STPG2: variants seen among roughly 807,000 people sequenced by gnomAD.
STPG2 encodes the protein sperm tail PG-rich repeat containing 2.
In STPG2, 56 loss-of-function variants were observed where a neutral mutation model predicts 54.2. The observed-to-expected ratio is 1.03, with a 90% CI of 0.83 to 1.29. STPG2 has a LOEUF of 1.29. Among genes scored for constraint, STPG2 ranks in the 50% most tolerant of loss-of-function variants. The pLI, the probability that STPG2 is intolerant of heterozygous loss-of-function variation, is 0.00. For synonymous variants in STPG2, 200 were observed against 181.8 expected, an observed-to-expected ratio of 1.10 and a Z score of -0.81; for missense variants, 596 against 544.9, an observed-to-expected ratio of 1.09 and a Z score of -0.93.
At chr4:98,032,823 C>A (rs1333838304) in intron 5 of STPG2, among the ~76,000 whole-genome samples, 2 of 152,144 alleles carry the variant, frequency 1.3e-5, no homozygotes, top group African/African-American at 4.8e-5. Context: ...GGAAACTGAA[C>A]AACCTGCTCC....
chr4:98,113,933 A>G (rs1739433201), intron 3 of STPG2, among the ~76,000 whole-genome samples: 1 of 152,086 alleles, frequency 6.6e-6, no homozygotes, highest in African/African-American at 2.4e-5. Context: ...GACAAATGCT[A>G]TAAAACTTAG....
intron 5 of STPG2, among the ~76,000 whole-genome samples, chr4:98,063,186 C>T (rs1044334800): frequency 5.3e-5 from 8 of 152,142 alleles, no homozygotes; most frequent in African/African-American, 1.9e-4. Flanking sequence ...CACGGTGGCT[C>T]ACGCCTGTAA....
intron 5 of STPG2, among the ~76,000 whole-genome samples, chr4:98,054,075 A>G (rs1415622163): frequency 6.6e-6 from 1 of 152,092 alleles, no homozygotes; most frequent in African/African-American, 2.4e-5. Flanking sequence ...CAAATACAAC[A>G]AATTTTTATG....
intron 9 of STPG2, among the ~76,000 whole-genome samples, chr4:97,713,809 T>A (rs1292421204): frequency 1.3e-5 from 2 of 152,194 alleles, no homozygotes; most frequent in African/African-American, 4.8e-5. Flanking sequence ...CTAGCTAGTA[T>A]GACTTCACAG....
chr4:97,903,345 T>A (rs759635016), intron 8 of STPG2, among the ~76,000 whole-genome samples: 1 of 152,058 alleles, frequency 6.6e-6, no homozygotes. Flanking sequence ...ACACTTTGAA[T>A]ATACACAATT....
intron 4 of STPG2, among the ~76,000 whole-genome samples, chr4:97,504,505 G>T (rs1730804809): frequency 6.6e-6 from 1 of 151,826 alleles, no homozygotes; most frequent in African/African-American, 2.4e-5. Context: ...GAAATAATGT[G>T]AGAAAAGTAA....
At chr4:97,446,112 G>T (rs925814225) in intron 4 of STPG2, among the ~76,000 whole-genome samples, 9 of 152,040 alleles carry the variant, frequency 5.9e-5, no homozygotes, top group Admixed American at 2.0e-4. Flanking sequence ...AAGTCTACAT[G>T]CTAAAATAAG....
At chr4:98,139,569 A>G (rs983330754) in intron 1 of STPG2, among the ~76,000 whole-genome samples, 7 of 152,098 alleles carry the variant, frequency 4.6e-5, no homozygotes, top group Admixed American at 1.3e-4. Flanking sequence ...GTACCTAGGA[A>G]AGAGATGGTA....
intron 1 of STPG2, among the ~76,000 whole-genome samples, chr4:98,137,787 G>A (rs1740175007): frequency 6.6e-6 from 1 of 151,674 alleles, no homozygotes; most frequent in Non-Finnish European, 1.5e-5. Context: ...ATTATTAATG[G>A]TAGAGTATAC....
chr4:97,931,063 T>C (rs1199215063), intron 8 of STPG2, among the ~76,000 whole-genome samples: 2 of 152,210 alleles, frequency 1.3e-5, no homozygotes, highest in African/African-American at 2.4e-5. Flanking sequence ...AAGTTTTCTA[T>C]TAGCTGAAGG....
At chr4:98,107,114 A>G (rs1392122690) in intron 4 of STPG2, among the ~76,000 whole-genome samples, 1 of 152,174 alleles carries the variant, frequency 6.6e-6, no homozygotes, top group East Asian at 1.9e-4. Context: ...TTCAAACCTC[A>G]GAAAGGTTTA....
chr4:98,038,764 A>G (rs1201677347), intron 5 of STPG2, among the ~76,000 whole-genome samples: 1 of 152,096 alleles, frequency 6.6e-6, no homozygotes, highest in African/African-American at 2.4e-5. Flanking sequence ...ATAGCCAAGG[A>G]TTAGAAAATA....
chr4:97,511,414 A>G (rs1730969747), intron 4 of STPG2, among the ~76,000 whole-genome samples: 1 of 152,070 alleles, frequency 6.6e-6, no homozygotes, highest in Admixed American at 6.6e-5. Flanking sequence ...AAGTAAAACA[A>G]TCCTGAGTTT....
At chr4:97,841,547 C>T (rs1728802768) in intron 8 of STPG2, among the ~76,000 whole-genome samples, 1 of 151,766 alleles carries the variant, frequency 6.6e-6, no homozygotes, top group African/African-American at 2.4e-5. Flanking sequence ...AAACAATTAG[C>T]TAACTATCTC....
Position 98,136,128 on chromosome 4 carries a change from G to A in STPG2, c.110-1669C>T, listed in dbSNP as rs1404884547. 2.6e-5 allele frequency among the ~76,000 whole-genome samples: 4 copies of A among 151,550 alleles called. No individual in the cohort carries two copies. In the East Asian group the frequency reaches 7.7e-4, roughly 29 times the overall value. On this transcript the variant is annotated intron_variant, in intron 1 of 10. Transcript: ENST00000295268. ...AAGGTAGAAAAAAGATGAACATGAT[G>A]AGAAGATAAAGGGAAGATATAAAAA...
intron 5 of STPG2, among the ~76,000 whole-genome samples, chr4:98,101,759 AT>A (rs1222308566): frequency 6.6e-6 from 1 of 151,994 alleles, no homozygotes; most frequent in African/African-American, 2.4e-5. Context: ...ACTAGAAACA[AT>A]TTCTTCTCCA....
chr4:97,699,859 C>T (rs1418280946), intron 10 of STPG2, among the ~76,000 whole-genome samples: 3 of 152,214 alleles, frequency 2.0e-5, no homozygotes, highest in Non-Finnish European at 4.4e-5. Context: ...GGCATTTGAG[C>T]ACTTCCTCAT....
chr4:97,804,417 T>TAACAAC (rs879521063), intron 9 of STPG2, among the ~76,000 whole-genome samples: 1 of 152,080 alleles, frequency 6.6e-6, no homozygotes, highest in African/African-American at 2.4e-5. Flanking sequence ...TCTTAGTTTT[T>TAACAAC]AACAACAACA....
intron 9 of STPG2, among the ~76,000 whole-genome samples, chr4:97,826,374 G>C (rs747219344): frequency 1.4e-5 from 2 of 140,246 alleles, no homozygotes; most frequent in African/African-American, 2.8e-5. Flanking sequence ...GTTTGAACAA[G>C]TTGTGGAAAG....
Sources: gnomAD v4.1 joint callset for allele counts (sites outside exome capture counted in the v4.1 genomes callset) on GRCh38, gnomAD v4.1.1 for gene constraint, MANE v1.5 for transcripts, NCBI Gene and HGNC (gene_info 2026-07-23, HGNC 2026-07-21) for gene names.